MB21D2: variants seen among roughly 807,000 people sequenced by gnomAD.
MB21D2 encodes the protein nucleotidyltransferase MB21D2.
In MB21D2, 9 loss-of-function variants were observed where a neutral mutation model predicts 33.3. The observed-to-expected ratio is 0.27, with a 90% CI of 0.16 to 0.47. The LOEUF is 0.47. Among genes scored for constraint, MB21D2 ranks in the 20% least tolerant of loss-of-function variants. MB21D2 has a pLI of 0.99. For synonymous variants in MB21D2, 241 were observed against 236.3 expected (o/e 1.02, Z -0.18); for missense variants, 540 against 624.6 (o/e 0.86, Z 1.44).
Position 192,834,304 on chromosome 3 carries a change from G to A in MB21D2, c.212-34654C>T, listed in dbSNP as rs187296209. On this transcript the variant is annotated intron_variant, in intron 1 of 1. Coordinates refer to ENST00000392452, the MANE Select transcript of MB21D2 (RefSeq NM_178496.4). ...TGCACTCCAGCCCAGACGACAAAGCGAGACTGCATCTCAAAAAAAAAAAAC... is the reference window on the plus strand; with the variant it reads ...TGCACTCCAGCCCAGACGACAAAGCAAGACTGCATCTCAAAAAAAAAAAAC... Among the ~76,000 whole-genome samples, 17 of 147,072 alleles carry A rather than the reference G, an allele frequency of 1.2e-4. No homozygotes were observed. The East Asian group carries it at 1.8e-3, about 15-fold the overall frequency.
At chr3:192,910,857 G>A (rs1299401186) in intron 1 of MB21D2, among the ~76,000 whole-genome samples, 3 of 152,180 alleles carry the variant, frequency 2.0e-5, no homozygotes, top group African/African-American at 7.2e-5. Context: ...GAGACTTAGG[G>A]TAAAACACAT....
At chr3:192,845,683 T>C (rs1712667589) in intron 1 of MB21D2, among the ~76,000 whole-genome samples, 1 of 152,170 alleles carries the variant, frequency 6.6e-6, no homozygotes, top group Non-Finnish European at 1.5e-5. Context: ...ATGTCAAATA[T>C]CACTCTGATC....
At chr3:192,917,048 G>T (rs1249980330) in intron 1 of MB21D2, among the ~76,000 whole-genome samples, 2 of 152,228 alleles carry the variant, frequency 1.3e-5, no homozygotes, top group Admixed American at 6.5e-5. Flanking sequence ...AACTCCGGAC[G>T]CCTAGACTAC....
chr3:192,860,333 G>A (rs1713014391), intron 1 of MB21D2, among the ~76,000 whole-genome samples: 1 of 152,290 alleles, frequency 6.6e-6, no homozygotes, highest in Middle Eastern at 3.4e-3. Flanking sequence ...GATGTAGAAG[G>A]CTGTTTTTAA....
chr3:192,798,127 T>C lies in MB21D2; in HGVS notation c.*259A>G, dbSNP rs1720560044. On this transcript the variant is annotated 3_prime_UTR_variant, in exon 2 of 2. Coordinates refer to ENST00000392452, the MANE Select transcript of MB21D2 (RefSeq NM_178496.4). This position sits in a 1 kb window ranked among gnomAD's most constrained non-coding sequence, Gnocchi z 4.8. ...TTTTCATCTATGGCTTAAGATCTCC[T>C]TAAAAAGAAAAAAAACTCCAACAAA... 1 of 400,942 alleles carries C rather than the reference T, an allele frequency of 2.5e-6. No individual in the cohort carries two copies. Among genetic ancestry groups the C allele is most frequent in the African/African-American group, 2.0e-5 (1 of 49,742 alleles). The allele number at this position is 400,942 out of a possible 1,614,324, so 24.8% of individuals were successfully genotyped here.
chr3:192,915,840 C>G (rs1714451917), intron 1 of MB21D2, among the ~76,000 whole-genome samples: 1 of 152,110 alleles, frequency 6.6e-6, no homozygotes, highest in Admixed American at 6.5e-5. Context: ...CCATGACTAC[C>G]CTAACTGGTG....
At position 192,798,112 on chromosome 3, in the gene MB21D2, T is replaced by C. The variant is rs1385568442; in HGVS notation, c.*274A>G. The C allele has an allele frequency of 1.2e-5, 4 of 333,002 alleles. No individual in the cohort carries two copies. The highest frequency in any genetic ancestry group is 4.2e-5 in the African/African-American group (2 of 47,792). The allele number at this position is 333,002 out of a possible 1,614,324, so 20.6% of individuals were successfully genotyped here. A position where few individuals can be genotyped will look rare whatever the true frequency, so the allele number is the denominator to read the frequency against. On this transcript the variant is annotated 3_prime_UTR_variant, in exon 2 of 2. Coordinates refer to ENST00000392452, the MANE Select transcript of MB21D2 (RefSeq NM_178496.4). The surrounding 1 kb of genome is among the most constrained non-coding windows in gnomAD (Gnocchi z 4.8). ...GAGGATTCATGGGCATTTTCATCTA[T>C]GGCTTAAGATCTCCTTAAAAAGAAA...
intron 1 of MB21D2, among the ~76,000 whole-genome samples, chr3:192,824,858 T>A (rs1180204905): frequency 1.3e-5 from 2 of 152,200 alleles, no homozygotes; most frequent in African/African-American, 4.8e-5. Flanking sequence ...TCCTCTTCTA[T>A]GCCACATATA....
At chr3:192,841,846 C>A (rs533018465) in intron 1 of MB21D2, among the ~76,000 whole-genome samples, 4 of 152,066 alleles carry the variant, frequency 2.6e-5, no homozygotes, top group Non-Finnish European at 5.9e-5. Flanking sequence ...GGTTCTTTGT[C>A]AAAGGAACAT....
chr3:192,848,991 A>G (rs1042681434), intron 1 of MB21D2, among the ~76,000 whole-genome samples: 3 of 152,198 alleles, frequency 2.0e-5, no homozygotes, highest in Non-Finnish European at 4.4e-5. Context: ...GACCCACCAC[A>G]GGAACTTTTT....
At chr3:192,851,597 C>T (rs147731874) in intron 1 of MB21D2, among the ~76,000 whole-genome samples, 14,766 of 147,408 alleles carry the variant, frequency 0.1, 855 homozygotes, top group Middle Eastern at 0.26. Context: ...CGGATTCAAG[C>T]GATTCTCCTG....
chr3:192,898,997 T>G (rs1258967527), intron 1 of MB21D2, among the ~76,000 whole-genome samples: 1 of 152,204 alleles, frequency 6.6e-6, no homozygotes. Context: ...AGTAAGAGCT[T>G]CTGAGAGTTC....
At chr3:192,813,670 T>C (rs1367442868) in intron 1 of MB21D2, among the ~76,000 whole-genome samples, 1 of 152,130 alleles carries the variant, frequency 6.6e-6, no homozygotes, top group African/African-American at 2.4e-5. Context: ...AAGTAACTAG[T>C]CAAGATGAGT....
chr3:192,819,000 T>C (rs959912221), intron 1 of MB21D2, among the ~76,000 whole-genome samples: 3 of 152,130 alleles, frequency 2.0e-5, no homozygotes, highest in African/African-American at 4.8e-5. Context: ...GAGTTTTTTT[T>C]TTGCTAGAAT....
At chr3:192,843,435 C>T (rs376107303) in intron 1 of MB21D2, among the ~76,000 whole-genome samples, 10 of 152,146 alleles carry the variant, frequency 6.6e-5, no homozygotes, top group African/African-American at 1.4e-4. Flanking sequence ...GTCATCACAG[C>T]GTAGAGGCCA....
In MB21D2 at chr3:192,799,510, A is replaced by T. The variant is rs768877750; in HGVS notation, c.352T>A (p.Phe118Ile). The change falls in exon 2 of 2, where the codon TTT becomes ATT. Residue 118 changes from phenylalanine to isoleucine, a missense_variant. Transcript: ENST00000392452. This position sits in a 1 kb window ranked among gnomAD's most constrained non-coding sequence, Gnocchi z 4.1. ...YARGTDYDMD[F>I]TLLVPALKLH... ...TTGAGGGCTGGCACCAAGAGGGTAAAGTCCATATCATAGTCAGTACCCCGG... is the reference window on the plus strand; with the variant it reads ...TTGAGGGCTGGCACCAAGAGGGTAATGTCCATATCATAGTCAGTACCCCGG... 1 of 1,614,092 alleles carries T rather than the reference A, an allele frequency of 6.2e-7. No homozygotes were observed. Among genetic ancestry groups the T allele is most frequent in the Admixed American group, 1.7e-5 (1 of 60,012 alleles).
Position 192,799,467 on chromosome 3 carries a change from T to A in MB21D2, c.395A>T (p.Gln132Leu). The A allele has an allele frequency of 6.2e-7, 1 of 1,614,212 alleles. No homozygotes were observed. The highest frequency in any genetic ancestry group is 8.5e-7 in the Non-Finnish European group (1 of 1,180,036). ...VPALKLHDRN[Q>L]PVTLDMRHSA... ...GTGGCGCATGTCGAGTGTCACAGGC[T>A]GATTACGGTCATGCAGCTTGAGGGC... The change falls in exon 2 of 2, where the codon CAG (glutamine) becomes CTG (leucine). Residue 132 changes from glutamine to leucine, a missense_variant. Gln to Leu is a moderately radical substitution (Grantham distance 113, BLOSUM62 -2). Transcript: ENST00000392452. This position sits in a 1 kb window ranked among gnomAD's most constrained non-coding sequence, Gnocchi z 4.1.
chr3:192,917,122 G>C (rs1714484550), intron 1 of MB21D2, among the ~76,000 whole-genome samples: 1 of 152,192 alleles, frequency 6.6e-6, no homozygotes, highest in Non-Finnish European at 1.5e-5. Context: ...TGACAGCGCC[G>C]CGCCGCGAGA....
chr3:192,819,057 C>T (rs1181267679), intron 1 of MB21D2, among the ~76,000 whole-genome samples: 1 of 151,894 alleles, frequency 6.6e-6, no homozygotes, highest in Admixed American at 6.6e-5. Context: ...GCTGACCTGA[C>T]CTGGAATATA....
Sources: gnomAD v4.1 joint callset for allele counts (sites outside exome capture counted in the v4.1 genomes callset) on GRCh38, gnomAD v4.1.1 for gene constraint, Gnocchi (gnomAD v3.1) non-coding constraint, MANE v1.5 for transcripts, NCBI Gene and HGNC (gene_info 2026-07-23, HGNC 2026-07-21) for gene names.